NF1: variants seen among roughly 807,000 people sequenced by gnomAD.
NF1 encodes the protein neurofibromin 1.
Under a neutral mutation model 325.7 loss-of-function variants are expected in NF1, and 122 were observed. That is an observed-to-expected ratio of 0.37 (90% CI 0.32 to 0.44). NF1 has a LOEUF of 0.44. Ranked by LOEUF, NF1 falls within the 20% of genes least tolerant of loss-of-function variation. The pLI is 1.00. For synonymous variants in NF1, 1,091 were observed against 1,186.0 expected, an observed-to-expected ratio of 0.92 and a Z score of 1.65; for missense variants, 2,140 against 3,415.4, an observed-to-expected ratio of 0.63 and a Z score of 9.31.
chr17:31,173,346 C>T (rs1392193616), intron 5 of NF1, among the ~76,000 whole-genome samples: 3 of 151,992 alleles, frequency 2.0e-5, no homozygotes, highest in African/African-American at 7.3e-5. Context: ...GGAGGCAGAG[C>T]TTGCAGTGAG....
intron 36 of NF1, chr17:31,321,006 T>C (rs1422221301): frequency 1.3e-5 from 2 of 152,250 alleles, no homozygotes; most frequent in African/African-American, 4.8e-5. Context: ...CCAGATGTAC[T>C]GCAGTGCCCA....
intron 29 of NF1, among the ~76,000 whole-genome samples, chr17:31,244,636 C>T (rs917963344): frequency 7.2e-5 from 11 of 152,122 alleles, no homozygotes; most frequent in Non-Finnish European, 1.0e-4. Flanking sequence ...CTGTGCTGTC[C>T]GTCCCCCAAA....
intron 36 of NF1, among the ~76,000 whole-genome samples, chr17:31,267,380 CT>C (rs964475868): frequency 6.6e-6 from 1 of 152,110 alleles, no homozygotes; most frequent in East Asian, 1.9e-4. Context: ...TTGAGATTTT[CT>C]TTTTTTCTTT....
At chr17:31,215,126 T>C (rs576334892) in intron 13 of NF1, among the ~76,000 whole-genome samples, 2 of 152,274 alleles carry the variant, frequency 1.3e-5, no homozygotes, top group South Asian at 2.1e-4. Context: ...ATCATTATTA[T>C]TATTATTTTG....
intron 1 of NF1, among the ~76,000 whole-genome samples, chr17:31,121,211 A>G (rs1362999244): frequency 6.6e-6 from 1 of 152,198 alleles, no homozygotes; most frequent in Admixed American, 6.5e-5. Flanking sequence ...ATGCCAAAGA[A>G]TACCTAAAAA....
intron 1 of NF1, among the ~76,000 whole-genome samples, chr17:31,142,280 G>A (rs1015830656): frequency 2.9e-4 from 44 of 152,106 alleles, no homozygotes; most frequent in Non-Finnish European, 1.0e-4. Flanking sequence ...TATACCCAAA[G>A]ATTTCTATAA....
intron 36 of NF1, among the ~76,000 whole-genome samples, chr17:31,279,753 A>G (rs1403703724): frequency 2.0e-5 from 3 of 152,174 alleles, no homozygotes; most frequent in Non-Finnish European, 4.4e-5. Context: ...CATTTTAGAA[A>G]TCTAATATAG....
At chr17:31,197,420 G>C (rs1311460825) in intron 8 of NF1, among the ~76,000 whole-genome samples, 1 of 139,130 alleles carries the variant, frequency 7.2e-6, no homozygotes, top group Non-Finnish European at 1.5e-5. Context: ...ATATTGCTTT[G>C]GGTAATATTG....
At position 31,327,688 on chromosome 17, in the gene NF1, A is replaced by C. The variant is rs786202459; in HGVS notation, c.5458A>C (p.Ile1820Leu). The C allele has an allele frequency of 2.5e-6, 4 of 1,614,018 alleles. No homozygotes were observed. The highest frequency in any genetic ancestry group is 3.4e-6 in the Non-Finnish European group (4 of 1,180,042). ...LTFMHQECEA[I>L]VQSIIHIRTR... is the part of the protein sequence containing the mutation. ...CTTCATGCACCAGGAGTGTGAAGCC[A>C]TTGTCCAGTCTATCATTCATATCCG... The change falls in exon 38 of 58, where the codon ATT (isoleucine) becomes CTT (leucine). Residue 1820 changes from isoleucine (I) to leucine (L), a missense_variant. By Grantham distance (5) the Ile-to-Leu change is conservative. Around this residue, in one of 10 missense-constraint regions of NF1, gnomAD observed 147 missense variants for 186.7 expected, o/e 0.79. Coordinates refer to ENST00000358273, the MANE Select transcript of NF1 (RefSeq NM_001042492.3).
chr17:31,209,041 T>C (rs1470697089), intron 12 of NF1, among the ~76,000 whole-genome samples: 1 of 152,156 alleles, frequency 6.6e-6, no homozygotes, highest in East Asian at 1.9e-4. Flanking sequence ...GATAACTCTG[T>C]TATAGGGGGC....
intron 36 of NF1, among the ~76,000 whole-genome samples, chr17:31,291,126 G>A (rs1360999888): frequency 6.6e-6 from 1 of 151,904 alleles, no homozygotes; most frequent in African/African-American, 2.4e-5. Flanking sequence ...ATTTCTCATT[G>A]GAATATTTTT....
chr17:31,228,609 C>G (rs1301330354), intron 20 of NF1, among the ~76,000 whole-genome samples: 1 of 151,932 alleles, frequency 6.6e-6, no homozygotes, highest in Admixed American at 6.6e-5. Flanking sequence ...CTCTAACCAC[C>G]CCCCACCCAC....
chr17:31,266,040 A>G (rs2067782327), intron 36 of NF1, among the ~76,000 whole-genome samples: 1 of 152,192 alleles, frequency 6.6e-6, no homozygotes, highest in South Asian at 2.1e-4. Flanking sequence ...ATTTACCATG[A>G]CATACATTCA....
chr17:31,173,131 A>C (rs1390225471), intron 5 of NF1, among the ~76,000 whole-genome samples: 1 of 151,322 alleles, frequency 6.6e-6, no homozygotes, highest in Non-Finnish European at 1.5e-5. Context: ...AAATACAAAA[A>C]ATGGGCTGGG....
chr17:31,337,740 T>A, intron 43 of NF1, 79 bp from the exon 44 acceptor site: 1 of 1,499,346 alleles, frequency 6.7e-7, no homozygotes, highest in Non-Finnish European at 9.2e-7. Context: ...GGTCACTTAA[T>A]GACATCATAA....
chr17:31,262,814 T>A (rs1383822999), intron 35 of NF1, among the ~76,000 whole-genome samples: 1 of 152,238 alleles, frequency 6.6e-6, no homozygotes, highest in African/African-American at 2.4e-5. Context: ...TGTTTATTCC[T>A]ATGTAATTAA....
At chr17:31,172,106 T>C (rs975902722) in intron 5 of NF1, among the ~76,000 whole-genome samples, 2 of 152,088 alleles carry the variant, frequency 1.3e-5, no homozygotes, top group Non-Finnish European at 2.9e-5. Flanking sequence ...CCCCACACTT[T>C]GGGGAAGCCG....
At chr17:31,225,597 G>A (rs571318535) in intron 17 of NF1, among the ~76,000 whole-genome samples, 1 of 152,264 alleles carries the variant, frequency 6.6e-6, no homozygotes, top group South Asian at 2.1e-4. Flanking sequence ...CAGAAGTATA[G>A]AATTCGTACC....
chr17:31,220,550 G>A (rs1209964736), intron 14 of NF1, among the ~76,000 whole-genome samples: 1 of 152,118 alleles, frequency 6.6e-6, no homozygotes, highest in Non-Finnish European at 1.5e-5. Flanking sequence ...TTACTGGGAG[G>A]AGAATGGGTT....
Sources: allele counts gnomAD v4.1 joint callset (sites outside exome capture counted in the v4.1 genomes callset), GRCh38; gene constraint gnomAD v4.1.1; regional missense constraint gnomAD v4.1.1; transcripts MANE v1.5; gene names NCBI Gene and HGNC (gene_info 2026-07-23, HGNC 2026-07-21).